KIF23: variants seen among roughly 807,000 people sequenced by gnomAD.
KIF23 encodes the protein kinesin family member 23.
A neutral mutation model predicts 137.5 loss-of-function variants in KIF23; 30 were observed. The ratio of observed to expected loss-of-function variants is 0.22; its 90% confidence interval spans 0.16 to 0.30. The LOEUF (loss-of-function observed/expected upper bound fraction) is 0.30. Among genes scored for constraint, KIF23 ranks in the 10% least tolerant of loss-of-function variants. The probability of loss-of-function intolerance (pLI) is 1.00; values close to 1 mark genes in which losing one functional copy is unlikely to be tolerated. For synonymous variants in KIF23, 367 were observed against 391.1 expected (o/e 0.94, Z 0.73); for missense variants, 920 against 1,194.3 (o/e 0.77, Z 3.38).
chr15:69,441,128 CTTT>C, intron 19 of KIF23, 49 bp downstream of exon 19: 4 of 1,476,262 alleles, frequency 2.7e-6, no homozygotes, highest in Non-Finnish European at 3.6e-6. Context: ...ATTTTATCTT[CTTT>C]GTTTTTTGTA....
At position 69,417,397 on chromosome 15, in the gene KIF23, G is replaced by A. The variant is rs1257821692; in HGVS notation, c.96G>A (p.Val32=). 1.9e-6 allele frequency: 3 copies of A among 1,610,304 alleles called. No individual in the cohort carries two copies. The highest frequency in any genetic ancestry group is 3.4e-5 in the Admixed American group (2 of 59,262). The change falls in exon 3 of 24, where the codon GTG becomes GTA. Residue 32 remains valine (V), a synonymous_variant. Transcript: ENST00000679126. ...TATTTCTTCAGGTATACTGTAGGGT[G>A]CGCCCACTGGGCTTTCCTGATCAAG... is the stretch of plus-strand genomic sequence containing the variant. ...LKDPVGVYCR[V]RPLGFPDQEC...
At position 69,435,633 on chromosome 15, in the gene KIF23, G is replaced by T; in HGVS notation, c.1195-19G>T. On this transcript the variant is annotated intron_variant, in intron 12 of 23. Coordinates refer to ENST00000679126, the MANE Select transcript of KIF23 (RefSeq NM_001367805.3). ...GCATTTTTTTTGCGTAACACATTTG[G>T]ATATGAATGTCTTTGTAGATGGTTC... The T allele has an allele frequency of 6.2e-7, 1 of 1,613,154 alleles. No individual in the cohort carries two copies.
Position 69,444,448 on chromosome 15 carries a change from C to A in KIF23, c.2422-342C>A. 1 of 213,922 alleles carries A rather than the reference C, an allele frequency of 4.7e-6. No homozygotes were observed. The highest frequency in any genetic ancestry group is 8.4e-5 in the South Asian group (1 of 11,896). 13.3% of individuals were successfully genotyped at this position (213,922 alleles called of 1,614,324 possible). On this transcript the variant is annotated intron_variant, in intron 19 of 23. Coordinates refer to ENST00000679126, the MANE Select transcript of KIF23 (RefSeq NM_001367805.3). The surrounding 1 kb of genome is among the most constrained non-coding windows in gnomAD (Gnocchi z 4.2). The stretch of plus-strand genomic sequence containing the variant: ...CAGAGTTGTGGACATAATAGATTAC[C>A]TCTCAATAGCAGGGATAAATATTGG...
Position 69,439,847 on chromosome 15 carries a change from A to G in KIF23, c.1756-57A>G. The G allele has an allele frequency of 2.3e-6, 3 of 1,325,606 alleles. No homozygotes were observed. The South Asian group carries it at 4.4e-5, about 19-fold the overall frequency. 82.1% of individuals were successfully genotyped at this position (1,325,606 alleles called of 1,614,324 possible). A position where few individuals can be genotyped will look rare whatever the true frequency, so the allele number is the denominator to read the frequency against. ...TAAGCAAATTAAGGAAGACTATTTT[A>G]TAGCGACATGAAATGTTTATATACC... On this transcript the variant is annotated intron_variant, in intron 16 of 23. Transcript: ENST00000679126.
chr15:69,432,494 C>T (rs902891450), intron 11 of KIF23, among the ~76,000 whole-genome samples: 3 of 151,958 alleles, frequency 2.0e-5, no homozygotes, highest in Non-Finnish European at 4.4e-5. Context: ...CCTCTGTTTA[C>T]CATACTTGTA....
At position 69,438,328 on chromosome 15, in the gene KIF23, G is replaced by A; in HGVS notation, c.1678G>A (p.Glu560Lys). The change falls in exon 16 of 24, where the codon GAA (glutamate) becomes AAA (lysine). Residue 560 changes from glutamate to lysine, a missense_variant. Transcript: ENST00000679126. ...KENHMQGKLN[E>K]KEKMISGQKL... ...AAACCACATGCAAGGGAAACTAAAT[G>A]AAAAGGAGAAGATGATCTCAGGACA... 3 of 1,612,772 alleles carry A rather than the reference G, an allele frequency of 1.9e-6. No homozygotes were observed. Among genetic ancestry groups the A allele is most frequent in the Non-Finnish European group, 2.5e-6 (3 of 1,179,492 alleles).
chr15:69,424,288 A>G (rs1595987528), intron 7 of KIF23, among the ~76,000 whole-genome samples: 1 of 152,200 alleles, frequency 6.6e-6, no homozygotes, highest in South Asian at 2.1e-4. Flanking sequence ...TTGGGAAAAC[A>G]ATTACAATAT....
chr15:69,433,884 C>G (rs946784652), intron 11 of KIF23, among the ~76,000 whole-genome samples: 1 of 152,114 alleles, frequency 6.6e-6, no homozygotes, highest in Non-Finnish European at 1.5e-5. Context: ...TAATTGTTCA[C>G]TTATTAAGTA....
At chr15:69,425,189 G>T in intron 7 of KIF23, 93 bp from the exon 8 acceptor site, 1 of 906,450 alleles carries the variant, frequency 1.1e-6, no homozygotes, top group South Asian at 1.6e-5. Context: ...TTTAAGATAT[G>T]ACTCATTGTG....
chr15:69,421,670 A>T lies in KIF23; in HGVS notation c.234A>T (p.Val78=). Residue 78 remains valine, a synonymous_variant, in exon 4 of 24, where the codon GTA becomes GTT. Transcript: ENST00000679126. ...YKETQYSFKQ[V]FGTHTTQKEL... ...AGACTCAGTATTCATTTAAACAAGTATTTGGCACTCACACCACCCAGAAGG... is the reference window on the plus strand; with the variant it reads ...AGACTCAGTATTCATTTAAACAAGTTTTTGGCACTCACACCACCCAGAAGG... 2 of 1,613,050 alleles carry T rather than the reference A, an allele frequency of 1.2e-6. No individual in the cohort carries two copies.
At chr15:69,437,524 A>G (rs1382529882) in intron 15 of KIF23, among the ~76,000 whole-genome samples, 1 of 146,144 alleles carries the variant, frequency 6.8e-6, no homozygotes, top group Non-Finnish European at 1.5e-5. Context: ...GCAATGGCGC[A>G]ATCTCGGCTC....
rs150290143 is a variant in KIF23, at chr15:69,421,666, A to G, written c.230A>G (p.Gln77Arg). The G allele has an allele frequency of 9.6e-4, 1,548 of 1,611,926 alleles. 9 individuals are homozygous for G. The African/African-American group carries it at 0.018, about 18-fold the overall frequency. The change falls in exon 4 of 24, where the codon CAA becomes CGA. Residue 77 changes from glutamine to arginine, a missense_variant. Gln to Arg is a conservative substitution (Grantham distance 43, BLOSUM62 1). Coordinates refer to ENST00000679126, the MANE Select transcript of KIF23 (RefSeq NM_001367805.3). ...CCACAGACTCAGTATTCATTTAAAC[A>G]AGTATTTGGCACTCACACCACCCAG... The part of the protein sequence containing the change: ...DYKETQYSFK[Q>R]VFGTHTTQKE...
At chr15:69,415,678 T>C (rs2140304386) in intron 1 of KIF23, among the ~76,000 whole-genome samples, 1 of 152,376 alleles carries the variant, frequency 6.6e-6, no homozygotes, top group East Asian at 1.9e-4. Context: ...TGGGCAGTTA[T>C]AATTTGTAGT....
chr15:69,446,501 T>C, intron 22 of KIF23, 137 bp downstream of exon 22: 1 of 666,650 alleles, frequency 1.5e-6, no homozygotes, highest in Non-Finnish European at 2.6e-6. Flanking sequence ...TGTAGGCCTA[T>C]TCCTAGAATA....
intron 14 of KIF23, 29 bp downstream of exon 14, chr15:69,436,290 A>G (rs754751211): frequency 1.2e-6 from 2 of 1,601,770 alleles, no homozygotes; most frequent in South Asian, 1.1e-5. Flanking sequence ...TCATTTGTCC[A>G]CTCATTGGTC....
intron 11 of KIF23, chr15:69,434,819 G>A (rs932061072): frequency 5.7e-5 from 55 of 962,550 alleles, no homozygotes; most frequent in South Asian, 8.6e-5. Flanking sequence ...CATCCTGCAC[G>A]TCCCTGGCAG....
intron 5 of KIF23, 22 bp from the exon 6 acceptor site, chr15:69,422,304 T>C (rs773350447): frequency 1.3e-6 from 2 of 1,491,616 alleles, no homozygotes; most frequent in Middle Eastern, 1.8e-4. Flanking sequence ...GTGTGATTTT[T>C]TTTTTTTTGC....
At chr15:69,435,590 G>C in intron 12 of KIF23, 28 bp downstream of exon 12, 1 of 1,613,380 alleles carries the variant, frequency 6.2e-7, no homozygotes, top group Non-Finnish European at 8.5e-7. Context: ...CTGTTCTTTT[G>C]TATAGTTTCA....
rs149564859 is a variant in KIF23, at chr15:69,436,146, G to A, written c.1323G>A (p.Met441Ile). 17 of 1,612,786 alleles carry A rather than the reference G, an allele frequency of 1.1e-5. No homozygotes were observed. Among genetic ancestry groups the A allele is most frequent in the Non-Finnish European group, 1.1e-5 (13 of 1,179,686 alleles). The change falls in exon 14 of 24, where the codon ATG becomes ATA. Residue 441 changes from methionine (M) to isoleucine (I), a missense_variant. Met to Ile is a conservative substitution (Grantham distance 10, BLOSUM62 1). Coordinates refer to ENST00000679126, the MANE Select transcript of KIF23 (RefSeq NM_001367805.3). ...AEDYEENLQV[M>I]RFAEVTQEVE... ...TTTGTTTTGTGTTTTAGCAAGTCAT[G>A]AGATTTGCGGAAGTGACTCAAGAAG...
Sources: gnomAD v4.1 joint callset for allele counts (sites outside exome capture counted in the v4.1 genomes callset) on GRCh38, gnomAD v4.1.1 for gene constraint, Gnocchi (gnomAD v3.1) non-coding constraint, MANE v1.5 for transcripts, NCBI Gene and HGNC (gene_info 2026-07-23, HGNC 2026-07-21) for gene names.